Variants in CNTN5 observed in about 807,000 individuals in gnomAD.
CNTN5 encodes contactin 5.
Under a neutral mutation model 129.1 loss-of-function variants are expected in CNTN5, and 77 were observed. The observed-to-expected ratio is 0.60, with a 90% CI of 0.50 to 0.72. The LOEUF (loss-of-function observed/expected upper bound fraction) is 0.72. Ranked by LOEUF, CNTN5 falls within the 30% of genes least tolerant of loss-of-function variation. The probability of loss-of-function intolerance (pLI) is 0.00; values close to 1 mark genes in which losing one functional copy is unlikely to be tolerated. For synonymous variants in CNTN5, 509 were observed against 465.6 expected (o/e 1.09, Z -1.20); for missense variants, 1,478 against 1,328.8 (o/e 1.11, Z -1.75).
At chr11:100,059,508 G>A (rs377160176) in intron 9 of CNTN5, among the ~76,000 whole-genome samples, 15 of 151,044 alleles carry the variant, frequency 9.9e-5, no homozygotes, top group Non-Finnish European at 1.6e-4. Flanking sequence ...ACAAATAAGC[G>A]AATAAAGCAA....
intron 4 of CNTN5, among the ~76,000 whole-genome samples, chr11:99,822,288 A>G (rs1946826158): frequency 6.6e-6 from 1 of 152,198 alleles, no homozygotes; most frequent in Non-Finnish European, 1.5e-5. Flanking sequence ...CTTCCCATAC[A>G]AGTACGAGGA....
intron 23 of CNTN5, among the ~76,000 whole-genome samples, chr11:100,343,883 G>A (rs942469755): frequency 3.3e-5 from 5 of 152,030 alleles, no homozygotes; most frequent in Admixed American, 6.6e-5. Context: ...TAAGCACAAT[G>A]TGTGTCACTT....
chr11:100,285,507 C>T (rs1950760936), intron 18 of CNTN5, among the ~76,000 whole-genome samples: 1 of 152,166 alleles, frequency 6.6e-6, no homozygotes, highest in Non-Finnish European at 1.5e-5. Context: ...TTCATCTTAT[C>T]TAATTAGTAC....
At chr11:99,667,892 C>G (rs954363041) in intron 3 of CNTN5, among the ~76,000 whole-genome samples, 1 of 151,956 alleles carries the variant, frequency 6.6e-6, no homozygotes, top group South Asian at 2.1e-4. Flanking sequence ...CACCATGGCA[C>G]CCATATACCT....
At chr11:100,305,303 T>C (rs1951323671) in intron 20 of CNTN5, among the ~76,000 whole-genome samples, 1 of 151,352 alleles carries the variant, frequency 6.6e-6, no homozygotes, top group African/African-American at 2.4e-5. Flanking sequence ...AGGTAAGAAA[T>C]AAAAACAATA....
chr11:100,157,359 A>G (rs1319937490), intron 13 of CNTN5, among the ~76,000 whole-genome samples: 4 of 151,938 alleles, frequency 2.6e-5, no homozygotes, highest in Non-Finnish European at 4.4e-5. Flanking sequence ...TTTTAAGCAG[A>G]TATTTAATAT....
At chr11:100,026,729 G>A (rs986130914) in intron 9 of CNTN5, among the ~76,000 whole-genome samples, 1 of 151,934 alleles carries the variant, frequency 6.6e-6, no homozygotes, top group Non-Finnish European at 1.5e-5. Flanking sequence ...TAGTCAGATT[G>A]TTTTCTTATT....
intron 13 of CNTN5, among the ~76,000 whole-genome samples, chr11:100,093,437 A>AT (rs529419532): frequency 4.1e-4 from 60 of 148,082 alleles, no homozygotes; most frequent in South Asian, 2.8e-3. Flanking sequence ...AGTTTTTATT[A>AT]TTTTTTTTTT....
chr11:99,408,586 G>A (rs372913290), intron 2 of CNTN5, among the ~76,000 whole-genome samples: 4 of 151,826 alleles, frequency 2.6e-5, no homozygotes, highest in Non-Finnish European at 4.4e-5. Flanking sequence ...CTCCTGCCTC[G>A]GCCTCCCAAA....
chr11:99,149,078 A>C (rs1006547557), intron 1 of CNTN5, among the ~76,000 whole-genome samples: 1 of 152,156 alleles, frequency 6.6e-6, no homozygotes, highest in Middle Eastern at 3.2e-3. Flanking sequence ...TAATCATTAG[A>C]GGTATTGTCA....
At chr11:99,496,532 C>T (rs1946233951) in intron 2 of CNTN5, among the ~76,000 whole-genome samples, 1 of 152,058 alleles carries the variant, frequency 6.6e-6, no homozygotes, top group Admixed American at 6.6e-5. Context: ...ATGTAAGTTT[C>T]CTATAAAGTA....
At chr11:99,757,636 C>T (rs561200762) in intron 3 of CNTN5, among the ~76,000 whole-genome samples, 2 of 151,938 alleles carry the variant, frequency 1.3e-5, no homozygotes, top group African/African-American at 2.4e-5. Flanking sequence ...CAAATAAGGT[C>T]GTACTCTAAG....
intron 18 of CNTN5, among the ~76,000 whole-genome samples, chr11:100,281,834 T>C (rs1022286201): frequency 2.6e-5 from 4 of 152,138 alleles, no homozygotes; most frequent in Non-Finnish European, 4.4e-5. Context: ...AGTTTACTAA[T>C]TCTTTCTTCT....
At chr11:100,336,006 G>T (rs1952031444) in intron 21 of CNTN5, among the ~76,000 whole-genome samples, 1 of 152,118 alleles carries the variant, frequency 6.6e-6, no homozygotes, top group African/African-American at 2.4e-5. Context: ...AATGGCTCAA[G>T]CAGTTGAACA....
intron 6 of CNTN5, among the ~76,000 whole-genome samples, chr11:99,884,964 G>A (rs141339060): frequency 1.6e-4 from 25 of 152,020 alleles, no homozygotes; most frequent in African/African-American, 3.4e-4. Context: ...GCGACAGAGC[G>A]ACACCCCATC....
intron 1 of CNTN5, among the ~76,000 whole-genome samples, chr11:99,283,264 A>G (rs1863778955): frequency 6.6e-6 from 1 of 152,112 alleles, no homozygotes; most frequent in South Asian, 2.1e-4. Flanking sequence ...TTACCTTTGA[A>G]AAGAAAAGAA....
At chr11:100,314,924 C>G in intron 21 of CNTN5, among the ~76,000 whole-genome samples, 1 of 152,136 alleles carries the variant, frequency 6.6e-6, no homozygotes, top group East Asian at 1.9e-4. Context: ...ATTTATTTAA[C>G]TAGTATTTAT....
At chr11:100,284,141 G>T (rs1950710589) in intron 18 of CNTN5, among the ~76,000 whole-genome samples, 1 of 152,112 alleles carries the variant, frequency 6.6e-6, no homozygotes, top group Non-Finnish European at 1.5e-5. Flanking sequence ...GGGAATGGAG[G>T]AGCGGTGGTC....
At chr11:99,633,223 T>A (rs1029653053) in intron 3 of CNTN5, among the ~76,000 whole-genome samples, 1 of 152,176 alleles carries the variant, frequency 6.6e-6, no homozygotes, top group Non-Finnish European at 1.5e-5. Flanking sequence ...TAGACTTCTA[T>A]TCCTAGAATT....
Sources: allele counts gnomAD v4.1 joint callset (sites outside exome capture counted in the v4.1 genomes callset), GRCh38; gene constraint gnomAD v4.1.1; transcripts MANE v1.5; gene names NCBI Gene and HGNC (gene_info 2026-07-23, HGNC 2026-07-21).